The following ANKFY1 variants were observed in gnomAD, a reference collection of about 807,000 sequenced individuals.
ANKFY1 encodes the protein ankyrin repeat and FYVE domain containing 1.
ANKFY1 carries 47 observed loss-of-function variants against 128.3 expected under a neutral mutation model. That is an observed-to-expected ratio of 0.37 (90% CI 0.29 to 0.47). The LOEUF (loss-of-function observed/expected upper bound fraction) is 0.47. Among genes scored for constraint, ANKFY1 ranks in the 20% least tolerant of loss-of-function variants. The pLI, the probability that ANKFY1 is intolerant of heterozygous loss-of-function variation, is 1.00. For synonymous variants in ANKFY1, 553 were observed against 601.6 expected, an observed-to-expected ratio of 0.92 and a Z score of 1.18; for missense variants, 1,222 against 1,510.6, an observed-to-expected ratio of 0.81 and a Z score of 3.17.
chr17:4,233,271 C>T (rs1012014203), intron 3 of ANKFY1, among the ~76,000 whole-genome samples: 6 of 152,164 alleles, frequency 3.9e-5, no homozygotes, highest in South Asian at 4.1e-4. Flanking sequence ...AAGATCCTAT[C>T]ACACATTTTG....
In ANKFY1 at chr17:4,195,430, A is replaced by G. The variant is rs1341056509; in HGVS notation, c.1145T>C (p.Val382Ala). 2 of 1,614,166 alleles carry G rather than the reference A, an allele frequency of 1.2e-6. No homozygotes were observed. The highest frequency in any genetic ancestry group is 2.2e-5 in the East Asian group (1 of 44,890). Residue 382 changes from valine to alanine, a missense_variant, in exon 9 of 25, where the codon GTG becomes GCG. Coordinates refer to ENST00000341657, the MANE Select transcript of ANKFY1 (RefSeq NM_001330063.2). ...TTTGCACTGCAGCAGCTGACTGAAC[A>G]CATATTCATTCCCGGCCATGATGGA... ...HVSIMAGNEY[V>A]FSQLLQCKQL...
chr17:4,261,886 T>C (rs772717907), intron 1 of ANKFY1, among the ~76,000 whole-genome samples: 3 of 152,240 alleles, frequency 2.0e-5, no homozygotes, highest in Non-Finnish European at 4.4e-5. Context: ...AACAGCTGTC[T>C]GCTGTGTACA....
rs79449245 is a variant in ANKFY1 at position 4,187,388 on chromosome 17, C to T, written c.1470+1994G>A. 1,139 of 397,778 alleles carry T rather than the reference C, an allele frequency of 2.9e-3. 8 individuals are homozygous for T. Among genetic ancestry groups the T allele is most frequent in the African/African-American group, 0.021 (1,029 of 48,718 alleles). The allele number at this position is 397,778 out of a possible 1,614,324, so 24.6% of individuals were successfully genotyped here. On this transcript the variant is annotated intron_variant, in intron 11 of 24. Transcript: ENST00000341657. Reference sequence around the variant, plus strand: ...TGGCTCCAGCCTGGACTCCACGGCACACCCACCATGCCAGCCATCCCAGGC... The same window carrying T: ...TGGCTCCAGCCTGGACTCCACGGCATACCCACCATGCCAGCCATCCCAGGC...
rs747172447 is a variant in ANKFY1 at position 4,208,038 on chromosome 17, C to T, written c.627G>A (p.Leu209=). ...TCTTGGATTTGATCATTTTGTATAACAACTGAGCGCTCATGCTGCTGAAAT... is the reference window on the plus strand; with the variant it reads ...TCTTGGATTTGATCATTTTGTATAATAACTGAGCGCTCATGCTGCTGAAAT... ...KEDFSSMSAQ[L]LYKMIKSKTE... Residue 209 remains leucine, a synonymous_variant, in exon 6 of 25, where the codon TTG becomes TTA. Coordinates refer to ENST00000341657, the MANE Select transcript of ANKFY1 (RefSeq NM_001330063.2). The T allele has an allele frequency of 3.7e-6, 6 of 1,610,686 alleles. No homozygotes were observed. In the East Asian group the frequency reaches 1.3e-4, roughly 36 times the overall value.
chr17:4,224,730 T>C (rs545282381), intron 3 of ANKFY1, among the ~76,000 whole-genome samples: 24 of 152,194 alleles, frequency 1.6e-4, no homozygotes, highest in Non-Finnish European at 2.8e-4. Context: ...ACTGAGTTCA[T>C]TGCATCTTTA....
rs143829155 is a variant in ANKFY1 at position 4,219,236 on chromosome 17, A to G, written c.323-2118T>C. ...TATAAAATATCTAAACTATTATTTCAACCAGAGTTAACTCTTGATTAGTCA... is the reference window on the plus strand; with the variant it reads ...TATAAAATATCTAAACTATTATTTCGACCAGAGTTAACTCTTGATTAGTCA... On this transcript the variant is annotated intron_variant, in intron 3 of 24. Coordinates refer to ENST00000341657, the MANE Select transcript of ANKFY1 (RefSeq NM_001330063.2). 1.3e-3 allele frequency among the ~76,000 whole-genome samples: 196 copies of G among 152,334 alleles called. 1 individual carries two copies. Among genetic ancestry groups the G allele is most frequent in the African/African-American group, 4.6e-3 (190 of 41,566 alleles).
At position 4,167,939 on chromosome 17, in the gene ANKFY1, G is replaced by A; in HGVS notation, c.3378-28C>T. On this transcript the variant is annotated intron_variant, in intron 24 of 24. Coordinates refer to ENST00000341657, the MANE Select transcript of ANKFY1 (RefSeq NM_001330063.2). The surrounding 1 kb of genome is among the most constrained non-coding windows in gnomAD (Gnocchi z 4.1). ...GTGGAAGCAAAGAAAGGAAGTATGAGAGGAGCGCCAACGACAGACTCTGCT... is the reference window on the plus strand; with the variant it reads ...GTGGAAGCAAAGAAAGGAAGTATGAAAGGAGCGCCAACGACAGACTCTGCT... The A allele has an allele frequency of 6.2e-7, 1 of 1,606,370 alleles. No homozygotes were observed. Among genetic ancestry groups the A allele is most frequent in the Non-Finnish European group, 8.5e-7 (1 of 1,175,474 alleles).
At chr17:4,185,618 C>T (rs2059597156) in intron 11 of ANKFY1, among the ~76,000 whole-genome samples, 1 of 152,176 alleles carries the variant, frequency 6.6e-6, no homozygotes, top group Non-Finnish European at 1.5e-5. Flanking sequence ...AGGCGTGAGG[C>T]ACTGCGCCTG....
At chr17:4,236,291 C>G (rs1301849392) in intron 2 of ANKFY1, among the ~76,000 whole-genome samples, 1 of 152,200 alleles carries the variant, frequency 6.6e-6, no homozygotes, top group Non-Finnish European at 1.5e-5. Context: ...GATGACAACT[C>G]TGAGACTACA....
At chr17:4,263,758 G>C (rs988303769) in intron 1 of ANKFY1, 174 bp downstream of exon 1, 13 of 1,521,896 alleles carry the variant, frequency 8.5e-6, no homozygotes, top group Non-Finnish European at 1.1e-5. Flanking sequence ...CATAGGAACC[G>C]CGCTCCGGAC....
intron 21 of ANKFY1, 136 bp from the exon 22 acceptor site, chr17:4,172,816 CTTATTTT>C: frequency 7.8e-7 from 1 of 1,276,996 alleles, no homozygotes; most frequent in South Asian, 1.5e-5. Context: ...TTTTCTTTTT[CTTATTTT>C]GTATTTTACT....
intron 4 of ANKFY1, chr17:4,216,654 TA>T: frequency 2.9e-6 from 1 of 349,922 alleles, no homozygotes; most frequent in South Asian, 2.4e-5. Context: ...GAAAATAGAG[TA>T]AAATGTCAAG....
chr17:4,208,348 T>C (rs1290558198), intron 5 of ANKFY1, among the ~76,000 whole-genome samples: 1 of 152,214 alleles, frequency 6.6e-6, no homozygotes, highest in African/African-American at 2.4e-5. Flanking sequence ...AGGCTGACGT[T>C]CCGAGCCTCA....
intron 2 of ANKFY1, among the ~76,000 whole-genome samples, chr17:4,241,810 C>A (rs1967239752): frequency 6.6e-6 from 1 of 151,944 alleles, no homozygotes; most frequent in African/African-American, 2.4e-5. Flanking sequence ...TTGCCTCGGG[C>A]CCGGCACGGT....
chr17:4,237,245 A>C (rs972237935), intron 2 of ANKFY1, among the ~76,000 whole-genome samples: 5 of 152,236 alleles, frequency 3.3e-5, no homozygotes, highest in Admixed American at 1.3e-4. Flanking sequence ...CATCATTTGA[A>C]AGTATCGGCA....
chr17:4,242,909 C>T (rs1175815932), intron 1 of ANKFY1, among the ~76,000 whole-genome samples: 1 of 152,108 alleles, frequency 6.6e-6, no homozygotes, highest in Admixed American at 6.5e-5. Context: ...AAATCCTTCA[C>T]CATAAAGCCA....
At chr17:4,183,992 A>G (rs1223523700) in intron 12 of ANKFY1, 82 bp from the exon 13 acceptor site, 4 of 1,195,556 alleles carry the variant, frequency 3.3e-6, no homozygotes, top group East Asian at 2.3e-5. Context: ...TAAGAACTCA[A>G]ACTGCCTGTT....
At chr17:4,229,886 ACT>A (rs2060486210) in intron 3 of ANKFY1, among the ~76,000 whole-genome samples, 1 of 152,116 alleles carries the variant, frequency 6.6e-6, no homozygotes, top group Admixed American at 6.6e-5. Context: ...CTTCTACCAC[ACT>A]CCATTCATTA....
intron 22 of ANKFY1, among the ~76,000 whole-genome samples, chr17:4,171,564 G>A (rs1037639938): frequency 6.6e-6 from 1 of 152,182 alleles, no homozygotes; most frequent in Non-Finnish European, 1.5e-5. Flanking sequence ...CACCCTGCTA[G>A]AATGCGACAG....
Sources: allele counts gnomAD v4.1 joint callset (sites outside exome capture counted in the v4.1 genomes callset), GRCh38; gene constraint gnomAD v4.1.1; non-coding constraint Gnocchi (gnomAD v3.1); transcripts MANE v1.5; gene names NCBI Gene and HGNC (gene_info 2026-07-23, HGNC 2026-07-21).